The following PARG variants were observed in gnomAD, a reference collection of about 807,000 sequenced individuals.
PARG encodes the protein mitochondrial poly(ADP-ribose) glycohydrolase.
In PARG, 35 loss-of-function variants were observed where a neutral mutation model predicts 113.0. The ratio of observed to expected loss-of-function variants is 0.31; its 90% confidence interval spans 0.24 to 0.41. PARG has a LOEUF of 0.41. Among genes scored for constraint, PARG ranks in the 10% least tolerant of loss-of-function variants. The pLI is 1.00. For missense variants in PARG, 797 were observed against 1,169.4 expected (o/e 0.68, Z 4.64); for synonymous variants, 330 against 409.9 (o/e 0.81, Z 2.36).
At chr10:49,849,999 C>T (rs1554833923) in intron 13 of PARG, among the ~76,000 whole-genome samples, 1 of 152,032 alleles carries the variant, frequency 6.6e-6, no homozygotes, top group Non-Finnish European at 1.5e-5. Flanking sequence ...GCCTGGGTGA[C>T]AGAGATCCTG....
intron 7 of PARG, among the ~76,000 whole-genome samples, chr10:49,900,606 A>G (rs1848308250): frequency 6.6e-6 from 1 of 152,272 alleles, no homozygotes. Context: ...CTAATAATAA[A>G]CAGCAGAATT....
At position 49,819,504 on chromosome 10, in the gene PARG, A is replaced by G; in HGVS notation, c.2777-10T>C. ...AGCTTATACACATCTCCTGGAGAGCAAAAGGTCAGACCAGAGGCACATTAA... is the reference window on the plus strand; with the variant it reads ...AGCTTATACACATCTCCTGGAGAGCGAAAGGTCAGACCAGAGGCACATTAA... On this transcript the variant is annotated splice_polypyrimidine_tract_variant and intron_variant, in intron 17 of 17. Coordinates refer to ENST00000616448, the MANE Select transcript of PARG (RefSeq NM_003631.5). 1 of 1,548,084 alleles carries G rather than the reference A, an allele frequency of 6.5e-7. No individual in the cohort carries two copies. The highest frequency in any genetic ancestry group is 1.2e-5 in the South Asian group (1 of 83,908).
rs1484009830 is a variant in PARG at position 49,920,611 on chromosome 10, T to C, written c.1662+1725A>G. On this transcript the variant is annotated intron_variant, in intron 6 of 17. Coordinates refer to ENST00000616448, the MANE Select transcript of PARG (RefSeq NM_003631.5). The stretch of plus-strand genomic sequence containing the variant: ...ACATATATACATATATACGTACATA[T>C]ATACGTATATATATACATGTATATA... 2.7e-5 allele frequency among the ~76,000 whole-genome samples: 4 copies of C among 145,990 alleles called. No homozygotes were observed. In the Admixed American group the frequency reaches 2.8e-4, roughly 10 times the overall value.
intron 7 of PARG, among the ~76,000 whole-genome samples, chr10:49,888,510 G>T (rs1554840850): frequency 3.3e-5 from 5 of 152,122 alleles, no homozygotes; most frequent in African/African-American, 1.2e-4. Flanking sequence ...ATTCTGGGTT[G>T]ACAATTCTTT....
intron 13 of PARG, among the ~76,000 whole-genome samples, chr10:49,847,203 G>A (rs1845552786): frequency 6.6e-6 from 1 of 152,202 alleles, no homozygotes; most frequent in Admixed American, 6.5e-5. Context: ...AAGAATGGGA[G>A]TTTAAAAAAT....
At chr10:49,823,131 A>G (rs1254463439) in intron 16 of PARG, among the ~76,000 whole-genome samples, 1 of 152,184 alleles carries the variant, frequency 6.6e-6, no homozygotes, top group Non-Finnish European at 1.5e-5. Context: ...ATATAAGATA[A>G]TATTTTATTC....
intron 7 of PARG, among the ~76,000 whole-genome samples, chr10:49,886,570 T>A (rs1270533997): frequency 6.6e-6 from 1 of 152,024 alleles, no homozygotes; most frequent in East Asian, 1.9e-4. Flanking sequence ...ATACAGAAAA[T>A]TAAACAAAAG....
rs1433721862 is a variant in PARG, at chr10:49,920,485, TATATATATATATAC to T, written c.1662+1837_1662+1850del. On this transcript the variant is annotated intron_variant, in intron 6 of 17. Coordinates refer to ENST00000616448, the MANE Select transcript of PARG (RefSeq NM_003631.5). ...AAAAATATATATATATATATATATATATATATATATATACACACACACACACATATATATGTATA... is the reference window on the plus strand; with the variant it reads ...AAAAATATATATATATATATATATATACACACACACACATATATATGTATA... 8.0e-4 allele frequency among the ~76,000 whole-genome samples: 83 copies of T among 104,400 alleles called. 5 individuals carry two copies. The highest frequency in any genetic ancestry group is 9.4e-4 in the African/African-American group (28 of 29,684). The allele number at this position is 104,400 out of a possible 152,430, so 68.5% of individuals were successfully genotyped here.
At chr10:49,937,952 T>G (rs1298776263) in intron 1 of PARG, among the ~76,000 whole-genome samples, 2 of 152,262 alleles carry the variant, frequency 1.3e-5, no homozygotes, top group Admixed American at 6.5e-5. Flanking sequence ...ACCACAGGAC[T>G]GTGTCAGAGC....
chr10:49,900,274 A>G (rs1346265992), intron 7 of PARG, among the ~76,000 whole-genome samples: 1 of 151,900 alleles, frequency 6.6e-6, no homozygotes, highest in East Asian at 2.0e-4. Flanking sequence ...GTTTCTAGTG[A>G]CAGAACTCTG....
In PARG at chr10:49,933,848, A is replaced by G. The variant is rs1158399103; in HGVS notation, c.600T>C (p.Asp200=). 86 of 1,600,204 alleles carry G rather than the reference A, an allele frequency of 5.4e-5. No homozygotes were observed. The highest frequency in any genetic ancestry group is 7.3e-5 in the Non-Finnish European group (85 of 1,167,556). ...GTTGATTGTCTCTATTCTCTTCACT[A>G]TCTGTGTCACTGTGATCATCATTTT... The part of the protein sequence containing the change: ...SPQNDDHSDT[D]SEENRDNQQF... Residue 200 remains aspartate (D), a synonymous_variant, in exon 3 of 18, where the codon GAT becomes GAC. Transcript: ENST00000616448.
intron 7 of PARG, among the ~76,000 whole-genome samples, chr10:49,905,079 C>T (rs1237291439): frequency 6.6e-6 from 1 of 152,248 alleles, no homozygotes; most frequent in Non-Finnish European, 1.5e-5. Flanking sequence ...TTGTTTTGGA[C>T]ATGCTGCCCT....
At chr10:49,834,048 A>G (rs1302439040) in intron 15 of PARG, among the ~76,000 whole-genome samples, 1 of 152,190 alleles carries the variant, frequency 6.6e-6, no homozygotes, top group Admixed American at 6.5e-5. Context: ...ATCCTGACAG[A>G]TATTAATTAT....
At chr10:49,912,791 C>A (rs1371721225) in intron 7 of PARG, among the ~76,000 whole-genome samples, 1 of 151,952 alleles carries the variant, frequency 6.6e-6, no homozygotes, top group Non-Finnish European at 1.5e-5. Flanking sequence ...AATGGTGAAA[C>A]CCTATCTCTA....
chr10:49,856,962 T>C (rs1445198904), intron 13 of PARG, among the ~76,000 whole-genome samples: 1 of 142,292 alleles, frequency 7.0e-6, no homozygotes, highest in Non-Finnish European at 1.5e-5. Context: ...TGAGCCGAGA[T>C]TGCACCATTG....
chr10:49,935,904 G>C (rs1282314799), intron 1 of PARG, among the ~76,000 whole-genome samples: 1 of 152,160 alleles, frequency 6.6e-6, no homozygotes, highest in Non-Finnish European at 1.5e-5. Context: ...TGTGTTGAAA[G>C]ACATGATTCC....
chr10:49,828,153 C>T (rs897390330), intron 16 of PARG, among the ~76,000 whole-genome samples: 24 of 133,204 alleles, frequency 1.8e-4, no homozygotes, highest in African/African-American at 6.7e-4. Flanking sequence ...GAGAAAAGCC[C>T]AAATGTTGTA....
chr10:49,931,242 TTATAA>T (rs1317835185), intron 4 of PARG, among the ~76,000 whole-genome samples: 5 of 152,114 alleles, frequency 3.3e-5, no homozygotes, highest in African/African-American at 9.7e-5. Context: ...TGTTATAATG[TTATAA>T]TATAATGTTA....
intron 2 of PARG, 150 bp downstream of exon 2, chr10:49,934,926 A>T: frequency 1.6e-6 from 1 of 612,044 alleles, no homozygotes. Flanking sequence ...GGCATACAGG[A>T]CTCTCTAAAA....
Sources: allele counts gnomAD v4.1 joint callset (sites outside exome capture counted in the v4.1 genomes callset), GRCh38; gene constraint gnomAD v4.1.1; transcripts MANE v1.5; gene names NCBI Gene and HGNC (gene_info 2026-07-23, HGNC 2026-07-21).